Variants in DYM observed in about 807,000 individuals in gnomAD.
DYM encodes the protein dyggve-Melchior-Clausen syndrome protein.
In DYM, 78 loss-of-function variants were observed where a neutral mutation model predicts 93.1. The ratio of observed to expected loss-of-function variants is 0.84; its 90% CI spans 0.70 to 1.01. The LOEUF is 1.01. Ranked by LOEUF, DYM falls within the 50% of genes least tolerant of loss-of-function variation. The pLI, the probability that DYM is intolerant of heterozygous loss-of-function variation, is 0.00. For synonymous variants in DYM, 321 were observed against 319.7 expected, an observed-to-expected ratio of 1.00 and a Z score of -0.04; for missense variants, 789 against 845.0, an observed-to-expected ratio of 0.93 and a Z score of 0.82.
chr18:49,308,567 T>G (rs1432108843), intron 8 of DYM, among the ~76,000 whole-genome samples: 2 of 152,202 alleles, frequency 1.3e-5, no homozygotes, highest in African/African-American at 4.8e-5. Context: ...AAAGACCACA[T>G]TATCAGCTAT....
At chr18:49,150,912 C>G (rs1202766235) in intron 15 of DYM, among the ~76,000 whole-genome samples, 1 of 152,146 alleles carries the variant, frequency 6.6e-6, no homozygotes, top group Admixed American at 6.5e-5. Flanking sequence ...TCTGTAATTC[C>G]AAGTATATTT....
chr18:49,050,080 C>CT (rs555098372), intron 17 of DYM, among the ~76,000 whole-genome samples: 24,988 of 106,370 alleles, frequency 0.23, 3,757 homozygotes, highest in East Asian at 0.48. Flanking sequence ...AGGTAACTTC[C>CT]TTTTTTTTTT....
At chr18:49,405,456 T>C (rs571945462) in intron 2 of DYM, among the ~76,000 whole-genome samples, 17 of 152,354 alleles carry the variant, frequency 1.1e-4, no homozygotes, top group Non-Finnish European at 1.5e-4. Context: ...TTCATTATTC[T>C]GCATATGGTC....
At chr18:49,367,009 C>T (rs1051469813) in intron 5 of DYM, among the ~76,000 whole-genome samples, 3 of 152,110 alleles carry the variant, frequency 2.0e-5, no homozygotes, top group Non-Finnish European at 2.9e-5. Context: ...TATGTTTCTA[C>T]ACAAAGTTGG....
At chr18:49,344,734 A>T (rs2064440882) in intron 6 of DYM, among the ~76,000 whole-genome samples, 1 of 152,150 alleles carries the variant, frequency 6.6e-6, no homozygotes. Flanking sequence ...TCCATACCAC[A>T]GACTCTATAC....
At chr18:49,208,868 A>C (rs776177510) in intron 14 of DYM, 5 of 152,092 alleles carry the variant, frequency 3.3e-5, no homozygotes, top group Non-Finnish European at 7.4e-5. Context: ...TGGTAATGTC[A>C]TACTGCCCCT....
At chr18:49,426,758 T>C (rs1318115491) in intron 2 of DYM, among the ~76,000 whole-genome samples, 45 of 2,118 alleles carry the variant, frequency 0.021, no homozygotes, top group African/African-American at 0.095. Flanking sequence ...GGAAAACATG[T>C]GTGTGTGTGT....
At chr18:49,134,584 T>G (rs2083660841) in intron 15 of DYM, among the ~76,000 whole-genome samples, 1 of 152,164 alleles carries the variant, frequency 6.6e-6, no homozygotes, top group Admixed American at 6.5e-5. Context: ...TTAACAAAAT[T>G]TGACAAAACA....
intron 17 of DYM, among the ~76,000 whole-genome samples, chr18:49,091,320 G>A (rs112787459): frequency 0.025 from 3,790 of 152,164 alleles, 56 homozygotes; most frequent in South Asian, 0.064. Flanking sequence ...ACAATGCTGC[G>A]GAACAAGAAA....
intron 16 of DYM, 123 bp downstream of exon 16, chr18:49,118,621 G>C: frequency 1.1e-6 from 1 of 901,610 alleles, no homozygotes; most frequent in Admixed American, 2.0e-5. Flanking sequence ...AAAATAGACT[G>C]CAAATACAGT....
At chr18:49,188,748 G>A (rs1348097891) in intron 14 of DYM, among the ~76,000 whole-genome samples, 1 of 152,116 alleles carries the variant, frequency 6.6e-6, no homozygotes, top group East Asian at 1.9e-4. Context: ...TAAATGACGA[G>A]TTACTGGGTG....
At chr18:49,258,839 CAGAGAGAGAGAGAGAGAGAG>C (rs61360021) in intron 11 of DYM, among the ~76,000 whole-genome samples, 5,674 of 113,684 alleles carry the variant, frequency 0.05, 501 homozygotes, top group African/African-American at 0.17. Context: ...CACACACACA[CAGAGAGAGAGAGAGAGAGAG>C]AGAGAGAGAG....
chr18:49,331,284 T>C (rs73445712), intron 8 of DYM, among the ~76,000 whole-genome samples: 18,708 of 152,178 alleles, frequency 0.12, 1,384 homozygotes, highest in East Asian at 0.31. Context: ...GTCTGTAGTC[T>C]GAATACTGTG....
intron 17 of DYM, among the ~76,000 whole-genome samples, chr18:49,088,057 C>G (rs1162168847): frequency 6.6e-6 from 1 of 151,792 alleles, no homozygotes; most frequent in Non-Finnish European, 1.5e-5. Context: ...TTCTCCCATT[C>G]TGTAGGTTGC....
At chr18:49,235,195 T>A (rs940059000) in intron 13 of DYM, among the ~76,000 whole-genome samples, 3 of 152,222 alleles carry the variant, frequency 2.0e-5, no homozygotes, top group Non-Finnish European at 4.4e-5. Flanking sequence ...CAGTAACTTG[T>A]TACAGCAGCA....
At position 49,063,611 on chromosome 18, in the gene DYM, T is replaced by TTC. The variant is rs1159261415; in HGVS notation, c.2026-19409_2026-19408dup. 1.8e-3 allele frequency among the ~76,000 whole-genome samples: 256 copies of TTC among 142,586 alleles called. 7 individuals are homozygous for TTC. Among genetic ancestry groups the TTC allele is most frequent in the East Asian group, 7.9e-3 (37 of 4,704 alleles). 93.5% of individuals were successfully genotyped at this position (142,586 alleles called of 152,430 possible). A position where few individuals can be genotyped will look rare whatever the true frequency, so the allele number is the denominator to read the frequency against. ...GCTGAGAAGGTAGTAATTTCTTTCTTTCTCTCTCTTTTTTTTTTTTTTTTT... is the reference window on the plus strand; with the variant it reads ...GCTGAGAAGGTAGTAATTTCTTTCTTTCTCTCTCTCTTTTTTTTTTTTTTTTT... On this transcript the variant is annotated intron_variant, in intron 17 of 17. Transcript: ENST00000675505.
At chr18:49,106,581 G>A (rs1364885485) in intron 16 of DYM, among the ~76,000 whole-genome samples, 1 of 152,160 alleles carries the variant, frequency 6.6e-6, no homozygotes, top group Non-Finnish European at 1.5e-5. Flanking sequence ...TCCTTCAGGA[G>A]CTCTTTTAGG....
chr18:49,224,528 T>TG (rs1334670482), intron 13 of DYM, among the ~76,000 whole-genome samples: 1 of 151,758 alleles, frequency 6.6e-6, no homozygotes, highest in Non-Finnish European at 1.5e-5. Context: ...TATTAGGAGG[T>TG]GGGGTCTTCG....
chr18:49,181,014 A>C (rs181492790), intron 14 of DYM, among the ~76,000 whole-genome samples: 6 of 152,260 alleles, frequency 3.9e-5, no homozygotes, highest in East Asian at 1.9e-4. Flanking sequence ...AACAAAAAAA[A>C]CTGTGCAAAC....
Sources: gnomAD v4.1 joint callset for allele counts (sites outside exome capture counted in the v4.1 genomes callset) on GRCh38, gnomAD v4.1.1 for gene constraint, MANE v1.5 for transcripts, NCBI Gene and HGNC (gene_info 2026-07-23, HGNC 2026-07-21) for gene names.